BCAS3: variants seen among roughly 807,000 people sequenced by gnomAD.
BCAS3 encodes the protein BCAS3 microtubule associated cell migration factor, also known as BCAS4/BCAS3 fusion.
Under a neutral mutation model 116.1 loss-of-function variants are expected in BCAS3, and 53 were observed. That is an observed-to-expected ratio of 0.46 (90% CI 0.37 to 0.57). The LOEUF (loss-of-function observed/expected upper bound fraction) is 0.57. Ranked by LOEUF, BCAS3 falls within the 20% of genes least tolerant of loss-of-function variation. The pLI is 0.00. For synonymous variants in BCAS3, 391 were observed against 408.2 expected, an observed-to-expected ratio of 0.96 and a Z score of 0.51; for missense variants, 917 against 1,165.4, an observed-to-expected ratio of 0.79 and a Z score of 3.10.
intron 16 of BCAS3, among the ~76,000 whole-genome samples, chr17:61,018,516 GGT>G (rs1462330128): frequency 6.6e-6 from 1 of 151,934 alleles, no homozygotes; most frequent in African/African-American, 2.4e-5. Context: ...TGGCTAGGCT[GGT>G]CTTGAATTCC....
chr17:60,719,071 A>G (rs947763264), intron 5 of BCAS3, among the ~76,000 whole-genome samples: 10 of 152,174 alleles, frequency 6.6e-5, no homozygotes, highest in African/African-American at 2.2e-4. Flanking sequence ...CAAAAAAAAC[A>G]AAAACAAACA....
In BCAS3 at chr17:60,964,794, T is replaced by C. The variant is rs1288328518; in HGVS notation, c.1221+17442T>C. Among the ~76,000 whole-genome samples the C allele has an allele frequency of 6.6e-6, 1 of 152,180 alleles. No individual in the cohort carries two copies. Among genetic ancestry groups the C allele is most frequent in the East Asian group, 1.9e-4 (1 of 5,202 alleles). ...GAGGTTGTATGTTTCCAGAAATTTATCCATTTCTTCTAGGTTTTCCAGTTT... is the reference window on the plus strand; with the variant it reads ...GAGGTTGTATGTTTCCAGAAATTTACCCATTTCTTCTAGGTTTTCCAGTTT... On this transcript the variant is annotated intron_variant, in intron 14 of 23. Coordinates refer to ENST00000407086, the MANE Select transcript of BCAS3 (RefSeq NM_017679.5). The surrounding 1 kb of genome is among the most constrained non-coding windows in gnomAD (Gnocchi z 4.6).
intron 4 of BCAS3, among the ~76,000 whole-genome samples, chr17:60,696,913 G>A (rs2035666100): frequency 6.6e-6 from 1 of 152,030 alleles, no homozygotes; most frequent in Non-Finnish European, 1.5e-5. Flanking sequence ...AAGGCTGGGC[G>A]CGGTGGCTCA....
Position 60,768,163 on chromosome 17 carries a change from T to C in BCAS3, c.403+20884T>C, listed in dbSNP as rs554846869. 3.3e-4 allele frequency among the ~76,000 whole-genome samples: 51 copies of C among 152,330 alleles called. 1 individual carries two copies. The highest frequency in any genetic ancestry group is 5.9e-4 in the Non-Finnish European group (40 of 68,036). On this transcript the variant is annotated intron_variant, in intron 6 of 23. Coordinates refer to ENST00000407086, the MANE Select transcript of BCAS3 (RefSeq NM_017679.5). The stretch of plus-strand genomic sequence containing the variant: ...ATTAGTGTGAGCACTGTATGATTTC[T>C]TTGGTTGTAAACAATATGAGTGGTA...
chr17:61,014,510 C>T (rs911873018), intron 15 of BCAS3, among the ~76,000 whole-genome samples: 1 of 152,004 alleles, frequency 6.6e-6, no homozygotes, highest in Admixed American at 6.6e-5. Flanking sequence ...GGAACAATTA[C>T]ACTTCTATAT....
chr17:61,301,898 C>G (rs1422104677), intron 22 of BCAS3, among the ~76,000 whole-genome samples: 2 of 152,120 alleles, frequency 1.3e-5, no homozygotes, highest in Non-Finnish European at 2.9e-5. Context: ...ACTTTCTTTA[C>G]AGTGTAAAGA....
intron 22 of BCAS3, among the ~76,000 whole-genome samples, chr17:61,350,069 A>G (rs1345395189): frequency 6.6e-6 from 1 of 152,234 alleles, no homozygotes; most frequent in Non-Finnish European, 1.5e-5. Flanking sequence ...TAGAAAACTC[A>G]GGAATGTGCC....
At chr17:61,253,273 C>G (rs2048509668) in intron 22 of BCAS3, among the ~76,000 whole-genome samples, 1 of 151,364 alleles carries the variant, frequency 6.6e-6, no homozygotes, top group Non-Finnish European at 1.5e-5. Flanking sequence ...AATGCCTGGG[C>G]TGGGCCCGGT....
Position 61,144,134 on chromosome 17 carries a change from G to A in BCAS3, c.2425+59570G>A, listed in dbSNP as rs188558061. Among the ~76,000 whole-genome samples the A allele has an allele frequency of 8.6e-5, 13 of 151,700 alleles. No individual in the cohort carries two copies. Among genetic ancestry groups the A allele is most frequent in the Non-Finnish European group, 1.6e-4 (11 of 67,866 alleles). Reference sequence around the variant, plus strand: ...ACTCCTTTCTACTCTTTTTTTTGCCGTTGTCCCTATTTTTTGCCACTGGTA... The same window carrying A: ...ACTCCTTTCTACTCTTTTTTTTGCCATTGTCCCTATTTTTTGCCACTGGTA... On this transcript the variant is annotated intron_variant, in intron 22 of 23. Coordinates refer to ENST00000407086, the MANE Select transcript of BCAS3 (RefSeq NM_017679.5). The surrounding 1 kb of genome is among the most constrained non-coding windows in gnomAD (Gnocchi z 5.0).
rs567191237 is a variant in BCAS3, at chr17:61,097,360, A to G, written c.2425+12796A>G. Among the ~76,000 whole-genome samples, 1 of 152,094 alleles carries G rather than the reference A, an allele frequency of 6.6e-6. No individual in the cohort carries two copies. Among genetic ancestry groups the G allele is most frequent in the Admixed American group, 6.5e-5 (1 of 15,270 alleles). The stretch of plus-strand genomic sequence containing the variant: ...CGCCTGGCTAATTTTTTGTATTTTT[A>G]ATAGAGACGGGATTTCACCATGTTA... On this transcript the variant is annotated intron_variant, in intron 22 of 23. Transcript: ENST00000407086. The surrounding 1 kb of genome is among the most constrained non-coding windows in gnomAD (Gnocchi z 4.0).
chr17:61,123,583 A>G (rs1299365221), intron 22 of BCAS3, among the ~76,000 whole-genome samples: 1 of 151,798 alleles, frequency 6.6e-6, no homozygotes, highest in Non-Finnish European at 1.5e-5. Context: ...AATGTTGACT[A>G]ACCCTTTTTC....
At chr17:60,957,131 A>G (rs977408043) in intron 14 of BCAS3, among the ~76,000 whole-genome samples, 1 of 152,200 alleles carries the variant, frequency 6.6e-6, no homozygotes, top group Non-Finnish European at 1.5e-5. Flanking sequence ...TTTTGTTAAC[A>G]TACTTTCTCA....
At chr17:61,206,410 C>T (rs540627539) in intron 22 of BCAS3, among the ~76,000 whole-genome samples, 18 of 152,244 alleles carry the variant, frequency 1.2e-4, no homozygotes, top group African/African-American at 3.9e-4. Context: ...TACTTAACTT[C>T]GTTTGTACAT....
At position 61,361,400 on chromosome 17, in the gene BCAS3, A is replaced by G. The variant is rs140676214; in HGVS notation, c.2426-6927A>G. ...AGATTGCAAAGAAATTCTTAGTCCA[A>G]TTGCCATTGAACTCCTTTTCCCTGG... is the stretch of plus-strand genomic sequence containing the variant. On this transcript the variant is annotated intron_variant, in intron 22 of 23. Coordinates refer to ENST00000407086, the MANE Select transcript of BCAS3 (RefSeq NM_017679.5). The surrounding 1 kb of genome is among the most constrained non-coding windows in gnomAD (Gnocchi z 6.5). Among the ~76,000 whole-genome samples the G allele has an allele frequency of 6.6e-5, 10 of 152,264 alleles. No individual in the cohort carries two copies. Among genetic ancestry groups the G allele is most frequent in the East Asian group, 1.9e-4 (1 of 5,178 alleles).
At chr17:60,831,843 A>G (rs2050967483) in intron 7 of BCAS3, among the ~76,000 whole-genome samples, 1 of 146,952 alleles carries the variant, frequency 6.8e-6, no homozygotes, top group African/African-American at 2.6e-5. Context: ...ATAAAATACA[A>G]TAATTTGTAT....
At chr17:61,173,621 T>A (rs1262539417) in intron 22 of BCAS3, among the ~76,000 whole-genome samples, 1 of 152,014 alleles carries the variant, frequency 6.6e-6, no homozygotes, top group Non-Finnish European at 1.5e-5. Flanking sequence ...AACTATATAA[T>A]ATGGCCCAGT....
At chr17:61,116,406 C>G (rs1201628420) in intron 22 of BCAS3, among the ~76,000 whole-genome samples, 1 of 152,098 alleles carries the variant, frequency 6.6e-6, no homozygotes, top group Non-Finnish European at 1.5e-5. Flanking sequence ...AGCCCTTCTT[C>G]CGTTTATGTC....
chr17:61,291,838 G>A (rs1432574612), intron 22 of BCAS3, among the ~76,000 whole-genome samples: 2 of 152,192 alleles, frequency 1.3e-5, no homozygotes, highest in African/African-American at 4.8e-5. Flanking sequence ...TTGCAAGCCT[G>A]TATGCACGCC....
rs558586690 is a variant in BCAS3 at position 61,220,874 on chromosome 17, G to A, written c.2425+136310G>A. 6.6e-6 allele frequency among the ~76,000 whole-genome samples: 1 copy of A among 152,180 alleles called. No homozygotes were observed. Among genetic ancestry groups the A allele is most frequent in the Non-Finnish European group, 1.5e-5 (1 of 68,036 alleles). On this transcript the variant is annotated intron_variant, in intron 22 of 23. Transcript: ENST00000407086. This position sits in a 1 kb window ranked among gnomAD's most constrained non-coding sequence, Gnocchi z 4.5. ...CCAGCACTTTGGGAGGCCGAGGTGG[G>A]TGGATCACGAGGTCAGGAGATCGAG...
Sources: gnomAD v4.1 joint callset for allele counts (sites outside exome capture counted in the v4.1 genomes callset) on GRCh38, gnomAD v4.1.1 for gene constraint, Gnocchi (gnomAD v3.1) non-coding constraint, MANE v1.5 for transcripts, NCBI Gene and HGNC (gene_info 2026-07-23, HGNC 2026-07-21) for gene names.